Variants in RABGAP1L observed in about 807,000 individuals in gnomAD.
The protein encoded by RABGAP1L is RAB GTPase activating protein 1 like.
Under a neutral mutation model 137.7 loss-of-function variants are expected in RABGAP1L, and 63 were observed. That is an observed-to-expected ratio of 0.46 (90% CI 0.37 to 0.56). RABGAP1L has a LOEUF of 0.56. RABGAP1L is among the 20% of genes least tolerant of loss of function. The pLI, the probability that RABGAP1L is intolerant of heterozygous loss-of-function variation, is 0.00. For missense variants in RABGAP1L, 1,095 were observed against 1,244.0 expected (o/e 0.88, Z 1.80); for synonymous variants, 431 against 433.7 (o/e 0.99, Z 0.08).
chr1:174,529,875 C>T, intron 13 of RABGAP1L, among the ~76,000 whole-genome samples: 1 of 152,076 alleles, frequency 6.6e-6, no homozygotes, highest in Non-Finnish European at 1.5e-5. Context: ...CACCCTCAGG[C>T]CCATGGGAGT....
intron 3 of RABGAP1L, 66 bp downstream of exon 3, chr1:174,221,230 T>C (rs917645168): frequency 7.9e-7 from 1 of 1,272,370 alleles, no homozygotes; most frequent in African/African-American, 1.5e-5. Flanking sequence ...AATTTTAAGA[T>C]GAAAATCAGA....
chr1:174,559,321 A>G (rs998821796), intron 13 of RABGAP1L, among the ~76,000 whole-genome samples: 1 of 152,198 alleles, frequency 6.6e-6, no homozygotes, highest in Non-Finnish European at 1.5e-5. Context: ...CACACACATA[A>G]AAATATGTAT....
Position 174,278,627 on chromosome 1 carries a change from A to G in RABGAP1L, c.1171A>G (p.Met391Val). 2 of 1,612,280 alleles carry G rather than the reference A, an allele frequency of 1.2e-6. No homozygotes were observed. Among genetic ancestry groups the G allele is most frequent in the African/African-American group, 1.3e-5 (1 of 74,846 alleles). The change falls in exon 10 of 26, where the codon ATG becomes GTG. Residue 391 changes from methionine (M) to valine (V), a missense_variant. Transcript: ENST00000681986. ...EETPKDKQVY[M>V]TVAVDMVVTE... ...TTCTACTACAGATAAGCAAGTATACATGACTGTGGCAGTGGATATGGTAGT... is the reference window on the plus strand; with the variant it reads ...TTCTACTACAGATAAGCAAGTATACGTGACTGTGGCAGTGGATATGGTAGT...
intron 19 of RABGAP1L, among the ~76,000 whole-genome samples, chr1:174,895,708 T>C (rs1024980185): frequency 3.9e-5 from 6 of 152,136 alleles, no homozygotes; most frequent in African/African-American, 1.4e-4. Context: ...TTTTTTGTCC[T>C]TGTGATAGTT....
chr1:174,887,829 G>A (rs1195151257), intron 19 of RABGAP1L, among the ~76,000 whole-genome samples: 1 of 152,056 alleles, frequency 6.6e-6, no homozygotes, highest in Non-Finnish European at 1.5e-5. Context: ...GAAGTCAGGG[G>A]TTCAAGACCA....
rs765239926 is a variant in RABGAP1L, at chr1:174,699,541, C to G, written c.1916C>G (p.Ala639Gly). ...VLLLHMPEEQ[A>G]FCVLVKIMYD... ...TTTCTGTAGATGCCAGAGGAACAAG[C>G]ATTCTGTGTTTTGGTGAAAATCATG... Residue 639 changes from alanine (A) to glycine (G), a missense_variant, in exon 16 of 26, where the codon GCA (alanine) becomes GGA (glycine). By Grantham distance (60) the Ala-to-Gly change is moderately conservative. Around this residue, in one of 4 missense-constraint regions of RABGAP1L, gnomAD observed 315 missense variants for 324.8 expected, o/e 0.97. Transcript: ENST00000681986. The G allele has an allele frequency of 6.2e-7, 1 of 1,612,402 alleles. No individual in the cohort carries two copies. Among genetic ancestry groups the G allele is most frequent in the Non-Finnish European group, 8.5e-7 (1 of 1,178,844 alleles).
intron 13 of RABGAP1L, among the ~76,000 whole-genome samples, chr1:174,538,573 A>G (rs1416629664): frequency 2.0e-5 from 3 of 152,184 alleles, no homozygotes; most frequent in African/African-American, 7.2e-5. Flanking sequence ...TTTGAACTGC[A>G]TCTTGACATT....
intron 15 of RABGAP1L, among the ~76,000 whole-genome samples, chr1:174,683,886 G>A (rs1454105160): frequency 3.3e-5 from 5 of 152,144 alleles, no homozygotes; most frequent in Non-Finnish European, 7.3e-5. Context: ...CCAAATATCA[G>A]GACCTGGACC....
Position 174,183,349 on chromosome 1 carries a change from C to T in RABGAP1L, c.-34+23692C>T, listed in dbSNP as rs1666535516. ...CTTTGTTGCCTAGGTTGGTCTCGAA[C>T]TTCTGGGCTTAAGTGATACTCCTGC... is the stretch of plus-strand genomic sequence containing the variant. On this transcript the variant is annotated intron_variant, in intron 1 of 25. Coordinates refer to ENST00000681986, the MANE Select transcript of RABGAP1L (RefSeq NM_001366446.1). Among the ~76,000 whole-genome samples, 4 of 152,146 alleles carry T rather than the reference C, an allele frequency of 2.6e-5. No individual in the cohort carries two copies. In the South Asian group the frequency reaches 6.2e-4, roughly 24 times the overall value.
chr1:174,228,179 C>A (rs913749426), intron 3 of RABGAP1L, among the ~76,000 whole-genome samples: 1 of 151,778 alleles, frequency 6.6e-6, no homozygotes, highest in African/African-American at 2.4e-5. Flanking sequence ...GCCTTCTTTG[C>A]CTATTTTATC....
intron 13 of RABGAP1L, among the ~76,000 whole-genome samples, chr1:174,519,658 T>G (rs1166409575): frequency 2.6e-5 from 4 of 152,174 alleles, no homozygotes; most frequent in African/African-American, 9.6e-5. Flanking sequence ...CAGGAAAATA[T>G]CCATGATTAT....
chr1:174,641,405 G>T (rs927378706), intron 14 of RABGAP1L, among the ~76,000 whole-genome samples: 3 of 152,018 alleles, frequency 2.0e-5, no homozygotes, highest in African/African-American at 7.2e-5. Flanking sequence ...AATTTGTATG[G>T]GGGAAGTTGA....
chr1:174,478,129 C>T (rs367953953), intron 13 of RABGAP1L, among the ~76,000 whole-genome samples: 2 of 151,812 alleles, frequency 1.3e-5, no homozygotes, highest in Admixed American at 6.6e-5. Context: ...CTATTTTCCC[C>T]GTCTAGTTTT....
At chr1:174,320,484 A>G (rs192230251) in intron 11 of RABGAP1L, among the ~76,000 whole-genome samples, 44 of 152,140 alleles carry the variant, frequency 2.9e-4, no homozygotes, top group African/African-American at 9.4e-4. Context: ...GAGTTAATGG[A>G]TGTTTGGGTT....
chr1:174,667,305 C>T (rs1032002382), intron 14 of RABGAP1L, among the ~76,000 whole-genome samples: 8 of 152,052 alleles, frequency 5.3e-5, no homozygotes, highest in African/African-American at 1.9e-4. Context: ...TCTCCATGGA[C>T]ACAAACACAA....
chr1:174,223,726 T>G (rs1041676030), intron 3 of RABGAP1L, among the ~76,000 whole-genome samples: 1 of 152,162 alleles, frequency 6.6e-6, no homozygotes, highest in African/African-American at 2.4e-5. Flanking sequence ...TTTTCAGTTA[T>G]TTTTATAAAC....
intron 14 of RABGAP1L, among the ~76,000 whole-genome samples, chr1:174,660,901 A>G (rs1676327134): frequency 6.6e-6 from 1 of 152,168 alleles, no homozygotes; most frequent in Non-Finnish European, 1.5e-5. Flanking sequence ...CTTCAAAGAT[A>G]CTATATACAT....
At chr1:174,829,174 T>C (rs1301587316) in intron 19 of RABGAP1L, among the ~76,000 whole-genome samples, 1 of 147,818 alleles carries the variant, frequency 6.8e-6, no homozygotes, top group Non-Finnish European at 1.5e-5. Flanking sequence ...AAGGAGTCCA[T>C]CTACTATTTA....
At chr1:174,700,728 G>A (rs1679586087) in intron 16 of RABGAP1L, 1 of 169,780 alleles carries the variant, frequency 5.9e-6, no homozygotes, top group Admixed American at 5.9e-5. Flanking sequence ...GGAGGAAAAA[G>A]ACTATGTAGA....
Sources: allele counts gnomAD v4.1 joint callset (sites outside exome capture counted in the v4.1 genomes callset), GRCh38; gene constraint gnomAD v4.1.1; regional missense constraint gnomAD v4.1.1; transcripts MANE v1.5; gene names NCBI Gene and HGNC (gene_info 2026-07-23, HGNC 2026-07-21).